The following ASCC3 variants were observed in gnomAD, a reference collection of about 807,000 sequenced individuals.
The protein encoded by ASCC3 is ASC-1 complex subunit P200.
Under a neutral mutation model 256.3 loss-of-function variants are expected in ASCC3, and 158 were observed. That is an observed-to-expected ratio of 0.62 (90% confidence interval 0.54 to 0.70). ASCC3 has a LOEUF of 0.70. Ranked by LOEUF, ASCC3 falls within the 30% of genes least tolerant of loss-of-function variation. The pLI is 0.00. For missense variants in ASCC3, 2,259 were observed against 2,626.0 expected (o/e 0.86, Z 3.05); for synonymous variants, 948 against 883.4 (o/e 1.07, Z -1.30).
intron 11 of ASCC3, among the ~76,000 whole-genome samples, chr6:100,722,689 C>G (rs567037162): frequency 2.6e-5 from 4 of 151,814 alleles, no homozygotes; most frequent in South Asian, 4.1e-4. Flanking sequence ...ACATGTTTTT[C>G]TTACACAAAT....
intron 11 of ASCC3, among the ~76,000 whole-genome samples, chr6:100,723,762 A>T (rs982326541): frequency 5.3e-5 from 8 of 150,098 alleles, no homozygotes; most frequent in Non-Finnish European, 8.9e-5. Flanking sequence ...AGGGAAGATG[A>T]CAAGAGTTCT....
intron 37 of ASCC3, among the ~76,000 whole-genome samples, chr6:100,526,575 C>T (rs150416305): frequency 1.5e-3 from 221 of 152,294 alleles, no homozygotes; most frequent in Non-Finnish European, 2.4e-3. Context: ...AAAATCCACA[C>T]ATTTGTGTTA....
At chr6:100,816,837 TACA>T (rs1469219361) in intron 4 of ASCC3, among the ~76,000 whole-genome samples, 2 of 151,914 alleles carry the variant, frequency 1.3e-5, no homozygotes, top group East Asian at 3.9e-4. Flanking sequence ...AAATAATCCG[TACA>T]ACAAACCCAC....
intron 8 of ASCC3, among the ~76,000 whole-genome samples, chr6:100,789,964 A>G (rs1298546845): frequency 1.3e-5 from 2 of 151,930 alleles, no homozygotes; most frequent in Non-Finnish European, 1.5e-5. Flanking sequence ...CCACTTTGAT[A>G]TTTGCACCAC....
intron 4 of ASCC3, among the ~76,000 whole-genome samples, chr6:100,841,352 A>C (rs966702527): frequency 4.6e-5 from 7 of 152,062 alleles, no homozygotes; most frequent in African/African-American, 1.5e-4. Flanking sequence ...TTTTTTAAAA[A>C]ATAGTAAGTG....
chr6:100,838,482 A>G (rs1771986644), intron 4 of ASCC3, among the ~76,000 whole-genome samples: 1 of 152,096 alleles, frequency 6.6e-6, no homozygotes, highest in Admixed American at 6.5e-5. Context: ...GACAGCATTT[A>G]TTTATCTCTT....
chr6:100,868,569 C>A (rs1470794174), intron 1 of ASCC3, among the ~76,000 whole-genome samples: 1 of 152,174 alleles, frequency 6.6e-6, no homozygotes, highest in Non-Finnish European at 1.5e-5. Context: ...AATTTTAATT[C>A]TTTTTATAGC....
rs550244964 is a variant in ASCC3, at chr6:100,530,852, C to T, written c.5775+9311G>A. Reference sequence around the variant, plus strand: ...TAGTGCTTAATAGAAGATTTAAATTCTTAGACTTATGGAATAAATTTTTGT... The same window carrying T: ...TAGTGCTTAATAGAAGATTTAAATTTTTAGACTTATGGAATAAATTTTTGT... On this transcript the variant is annotated intron_variant, in intron 37 of 41. Coordinates refer to ENST00000369162, the MANE Select transcript of ASCC3 (RefSeq NM_006828.4). The T allele has an allele frequency of 9.3e-4, 1,168 of 1,260,968 alleles. 6 individuals are homozygous for T. The highest frequency in any genetic ancestry group is 4.8e-3 in the Middle Eastern group (20 of 4,204). The allele number at this position is 1,260,968 out of a possible 1,614,324, so 78.1% of individuals were successfully genotyped here. A position where few individuals can be genotyped will look rare whatever the true frequency, so the allele number is the denominator to read the frequency against.
chr6:100,682,275 G>A (rs1464668800), intron 13 of ASCC3, among the ~76,000 whole-genome samples: 3 of 152,012 alleles, frequency 2.0e-5, no homozygotes, highest in African/African-American at 7.2e-5. Flanking sequence ...ACCAAGTCCT[G>A]ATAAAACTGC....
intron 10 of ASCC3, among the ~76,000 whole-genome samples, chr6:100,732,694 C>A (rs1779959031): frequency 1.0e-5 from 1 of 97,064 alleles, no homozygotes; most frequent in African/African-American, 3.6e-5. Context: ...AGAAGTTATA[C>A]TTTGAGAAAA....
At chr6:100,606,323 T>A (rs1772885897) in intron 32 of ASCC3, among the ~76,000 whole-genome samples, 1 of 152,104 alleles carries the variant, frequency 6.6e-6, no homozygotes, top group African/African-American at 2.4e-5. Context: ...CATGCATAAG[T>A]TGTAGCAATA....
At chr6:100,815,417 T>C (rs974596793) in intron 4 of ASCC3, among the ~76,000 whole-genome samples, 4 of 151,918 alleles carry the variant, frequency 2.6e-5, no homozygotes, top group Non-Finnish European at 5.9e-5. Flanking sequence ...AAAAAAACTA[T>C]TCTAAAATTC....
rs149016133 is a variant in ASCC3, at chr6:100,515,731, G to A, written c.6075+449C>T. On this transcript the variant is annotated intron_variant, in intron 39 of 41. Coordinates refer to ENST00000369162, the MANE Select transcript of ASCC3 (RefSeq NM_006828.4). ...GAGGGGCATAAACAAATAACTGAGG[G>A]CATTGCATGAAAATATACCCAAGCA... 3.0e-3 allele frequency among the ~76,000 whole-genome samples: 452 copies of A among 152,204 alleles called. 1 individual carries two copies. The highest frequency in any genetic ancestry group is 5.0e-3 in the East Asian group (26 of 5,168).
chr6:100,584,331 C>A (rs1290455724), intron 36 of ASCC3, among the ~76,000 whole-genome samples: 3 of 151,634 alleles, frequency 2.0e-5, no homozygotes, highest in African/African-American at 7.2e-5. Context: ...GATCCCTTTA[C>A]CATTATGTAA....
chr6:100,663,074 T>C lies in ASCC3; in HGVS notation c.2287-538A>G, dbSNP rs184875082. ...GCCTTTGAGGACTTCTCCCTTCTTA[T>C]TGAGATCCCCATGATGCTTCCCCTA... is the stretch of plus-strand genomic sequence containing the variant. On this transcript the variant is annotated intron_variant, in intron 14 of 41. Coordinates refer to ENST00000369162, the MANE Select transcript of ASCC3 (RefSeq NM_006828.4). Among the ~76,000 whole-genome samples, 17 of 152,146 alleles carry C rather than the reference T, an allele frequency of 1.1e-4. No individual in the cohort carries two copies. The East Asian group carries it at 3.3e-3, about 29-fold the overall frequency.
At position 100,608,731 on chromosome 6, in the gene ASCC3, TTATATATATATATATATATA is replaced by T. The variant is rs1169558095; in HGVS notation, c.4786-1663_4786-1644del. Among the ~76,000 whole-genome samples, 6 of 2,712 alleles carry T rather than the reference TTATATATATATATATATATA, an allele frequency of 2.2e-3. 1 individual carries two copies. Among genetic ancestry groups the T allele is most frequent in the Non-Finnish European group, 3.6e-3 (5 of 1,388 alleles). The allele number at this position is 2,712 out of a possible 152,430, so 1.8% of individuals were successfully genotyped here. A position where few individuals can be genotyped will look rare whatever the true frequency, so the allele number is the denominator to read the frequency against. On this transcript the variant is annotated intron_variant, in intron 30 of 41. Coordinates refer to ENST00000369162, the MANE Select transcript of ASCC3 (RefSeq NM_006828.4). ...TATATATATTTTATATATATATACT[TTATATATATATATATATATA>T]TATATATATATATATATACTTTTTC...
chr6:100,522,815 C>T (rs557615006), intron 37 of ASCC3, among the ~76,000 whole-genome samples: 57 of 151,282 alleles, frequency 3.8e-4, no homozygotes, highest in African/African-American at 1.3e-3. Context: ...GTAAAGAAAA[C>T]TGCCTAAGGT....
In ASCC3 at chr6:100,740,053, T is replaced by A. The variant is rs193037381; in HGVS notation, c.1738-14350A>T. Reference sequence around the variant, plus strand: ...TGTTAATCGGAGGTATTTCTAACTTTCTGATGTGAGCATTTAGTACTATAA... The same window carrying A: ...TGTTAATCGGAGGTATTTCTAACTTACTGATGTGAGCATTTAGTACTATAA... On this transcript the variant is annotated intron_variant, in intron 10 of 41. Coordinates refer to ENST00000369162, the MANE Select transcript of ASCC3 (RefSeq NM_006828.4). 2.0e-3 allele frequency among the ~76,000 whole-genome samples: 299 copies of A among 152,330 alleles called. 1 individual carries two copies. The highest frequency in any genetic ancestry group is 3.5e-3 in the Admixed American group (54 of 15,304).
At chr6:100,837,035 T>A (rs548447093) in intron 4 of ASCC3, among the ~76,000 whole-genome samples, 1 of 152,120 alleles carries the variant, frequency 6.6e-6, no homozygotes, top group African/African-American at 2.4e-5. Context: ...TGCAAAATAA[T>A]CTGACAAATA....
Sources: gnomAD v4.1 joint callset for allele counts (sites outside exome capture counted in the v4.1 genomes callset) on GRCh38, gnomAD v4.1.1 for gene constraint, MANE v1.5 for transcripts, NCBI Gene and HGNC (gene_info 2026-07-23, HGNC 2026-07-21) for gene names.